The following OTOP1 variants were observed in gnomAD, a reference collection of about 807,000 sequenced individuals.
The protein encoded by OTOP1 is proton channel OTOP1.
A neutral mutation model predicts 52.9 loss-of-function variants in OTOP1; 59 were observed. That is an observed-to-expected ratio of 1.12 (90% CI 0.91 to 1.39). The LOEUF is 1.39. Ranked by LOEUF, OTOP1 falls within the 40% of genes most tolerant of loss-of-function variation. The probability of loss-of-function intolerance (pLI) is 0.00; values close to 1 mark genes in which losing one functional copy is unlikely to be tolerated. For missense variants in OTOP1, 761 were observed against 800.9 expected (o/e 0.95, Z 0.60); for synonymous variants, 317 against 337.7 (o/e 0.94, Z 0.67).
intron 1 of OTOP1, among the ~76,000 whole-genome samples, chr4:4,219,913 G>GTGTATACGTATACATGTATACA (rs1560211376): frequency 7.2e-6 from 1 of 138,744 alleles, no homozygotes; most frequent in Non-Finnish European, 1.5e-5. Context: ...ATATATGTGT[G>GTGTATACGTATACATGTATACA]TATATACGTA....
At chr4:4,205,992 G>A (rs932585710) in intron 3 of OTOP1, 80 bp downstream of exon 3, 12 of 1,229,370 alleles carry the variant, frequency 9.8e-6, no homozygotes, top group Non-Finnish European at 1.3e-5. Context: ...TATAACCAAA[G>A]CAAGATGGCA....
chr4:4,200,966 A>G (rs6850891), intron 4 of OTOP1, among the ~76,000 whole-genome samples: 6,306 of 152,280 alleles, frequency 0.041, 446 homozygotes, highest in African/African-American at 0.14. Flanking sequence ...ACAGAATGTT[A>G]GAGCTGACAG....
In OTOP1 at chr4:4,219,113, G is replaced by T. The variant is rs927394822; in HGVS notation, c.404-6109C>A. On this transcript the variant is annotated intron_variant, in intron 1 of 5. Coordinates refer to ENST00000296358, the MANE Select transcript of OTOP1 (RefSeq NM_177998.3). ...CATCATAAACATCGTAAAGAAAAAT[G>T]GAAACAAAAAAGCCAACTGTATAAA... is the stretch of plus-strand genomic sequence containing the variant. 7.2e-4 allele frequency among the ~76,000 whole-genome samples: 110 copies of T among 151,856 alleles called. 1 individual carries two copies. Among genetic ancestry groups the T allele is most frequent in the African/African-American group, 2.5e-3 (105 of 41,264 alleles).
intron 4 of OTOP1, among the ~76,000 whole-genome samples, chr4:4,201,439 T>A (rs1716783955): frequency 7.1e-6 from 1 of 140,034 alleles, no homozygotes; most frequent in African/African-American, 2.7e-5. Context: ...AAAAAATAAA[T>A]AAAATAGAAT....
intron 4 of OTOP1, 73 bp from the exon 5 acceptor site, chr4:4,198,176 T>C (rs1716696540): frequency 7.6e-7 from 1 of 1,319,610 alleles, no homozygotes; most frequent in Non-Finnish European, 1.1e-6. Flanking sequence ...CACAGAAAAC[T>C]GTTTCCACCG....
At chr4:4,221,703 C>G (rs568301053) in intron 1 of OTOP1, among the ~76,000 whole-genome samples, 2 of 152,326 alleles carry the variant, frequency 1.3e-5, no homozygotes, top group Admixed American at 1.3e-4. Context: ...CTGAGCAGAG[C>G]CTTTCATAGC....
rs147652988 is a variant in OTOP1 at position 4,203,797 on chromosome 4, G to A, written c.600-1219C>T. ...TGGAATTGATCACTCCTAAATTGGAGAGCAGAGGCCCACAGGAAGCATGAT... is the reference window on the plus strand; with the variant it reads ...TGGAATTGATCACTCCTAAATTGGAAAGCAGAGGCCCACAGGAAGCATGAT... On this transcript the variant is annotated intron_variant, in intron 3 of 5. Coordinates refer to ENST00000296358, the MANE Select transcript of OTOP1 (RefSeq NM_177998.3). Among the ~76,000 whole-genome samples the A allele has an allele frequency of 1.6e-3, 250 of 152,326 alleles. 2 individuals are homozygous for A. Among genetic ancestry groups the A allele is most frequent in the African/African-American group, 5.8e-3 (243 of 41,576 alleles).
chr4:4,208,946 A>G (rs1406175138), intron 2 of OTOP1, among the ~76,000 whole-genome samples: 1 of 152,188 alleles, frequency 6.6e-6, no homozygotes, highest in Non-Finnish European at 1.5e-5. Context: ...AATTTACATA[A>G]TCCACTGAGA....
intron 1 of OTOP1, among the ~76,000 whole-genome samples, chr4:4,219,652 G>A (rs1377731488): frequency 2.7e-5 from 4 of 150,142 alleles, no homozygotes; most frequent in Admixed American, 1.3e-4. Context: ...AGCCAAGATC[G>A]TGCCACTGCA....
chr4:4,192,642 C>T (rs796261840), intron 5 of OTOP1, among the ~76,000 whole-genome samples: 6 of 152,180 alleles, frequency 3.9e-5, no homozygotes. Context: ...GTTGCCCCTC[C>T]TCCAGGGTCC....
intron 5 of OTOP1, among the ~76,000 whole-genome samples, chr4:4,195,098 A>G (rs995154142): frequency 1.3e-5 from 2 of 152,050 alleles, no homozygotes; most frequent in African/African-American, 4.8e-5. Flanking sequence ...CTTGCCCTCA[A>G]CATAAAGACT....
At position 4,201,459 on chromosome 4, in the gene OTOP1, A is replaced by AATAT. The variant is rs112973192; in HGVS notation, c.730+985_730+988dup. ...ATAAATAAAATAGAATAAATAAATA[A>AATAT]ATATATATATATACACACACACACA... On this transcript the variant is annotated intron_variant, in intron 4 of 5. Transcript: ENST00000296358. Among the ~76,000 whole-genome samples, 8 of 136,544 alleles carry AATAT rather than the reference A, an allele frequency of 5.9e-5. No homozygotes were observed. The South Asian group carries it at 1.6e-3, about 28-fold the overall frequency. The allele number at this position is 136,544 out of a possible 152,430, so 89.6% of individuals were successfully genotyped here.
Position 4,206,060 on chromosome 4 carries a change from C to T in OTOP1, c.599+12G>A, listed in dbSNP as rs1560207937. The T allele has an allele frequency of 6.3e-7, 1 of 1,593,694 alleles. No homozygotes were observed. Among genetic ancestry groups the T allele is most frequent in the Non-Finnish European group, 8.6e-7 (1 of 1,162,600 alleles). On this transcript the variant is annotated intron_variant, in intron 3 of 5. Coordinates refer to ENST00000296358, the MANE Select transcript of OTOP1 (RefSeq NM_177998.3). ...AAATTCAACATATAAAGCAATTACC[C>T]ACAATTTTTACCTTTCCAGTGTTTT...
At chr4:4,224,885 G>A (rs2920238) in intron 1 of OTOP1, among the ~76,000 whole-genome samples, 122,219 of 152,226 alleles carry the variant, frequency 0.8, 49,679 homozygotes, top group African/African-American at 0.91. Context: ...AGGCATTTGT[G>A]AAGAAGGTGG....
intron 1 of OTOP1, among the ~76,000 whole-genome samples, chr4:4,218,575 G>A (rs1646829542): frequency 6.6e-6 from 1 of 152,134 alleles, no homozygotes; most frequent in African/African-American, 2.4e-5. Flanking sequence ...ACATCTTGGA[G>A]TGGGACACAG....
chr4:4,193,655 T>C (rs574470534), intron 5 of OTOP1, among the ~76,000 whole-genome samples: 1 of 152,250 alleles, frequency 6.6e-6, no homozygotes, highest in East Asian at 1.9e-4. Context: ...ACCCAACCAG[T>C]GCCTGGGGGC....
chr4:4,220,217 C>T (rs1263940140), intron 1 of OTOP1, among the ~76,000 whole-genome samples: 1 of 150,178 alleles, frequency 6.7e-6, no homozygotes, highest in Non-Finnish European at 1.5e-5. Flanking sequence ...ATTCTCCTGC[C>T]TCAGCCTCCC....
intron 5 of OTOP1, among the ~76,000 whole-genome samples, chr4:4,193,870 AC>A (rs1251868815): frequency 6.6e-6 from 1 of 151,918 alleles, no homozygotes; most frequent in African/African-American, 2.4e-5. Flanking sequence ...CCAGGGAAAA[AC>A]AACTTTTCAG....
chr4:4,221,032 ATTATTTTATTCTATT>A (rs1717289320), intron 1 of OTOP1, among the ~76,000 whole-genome samples: 3 of 143,704 alleles, frequency 2.1e-5, no homozygotes, highest in African/African-American at 5.3e-5. Context: ...TTATTTATAT[ATTATTTTATTCTATT>A]TTATTTTATT....
Sources: allele counts gnomAD v4.1 joint callset (sites outside exome capture counted in the v4.1 genomes callset), GRCh38; gene constraint gnomAD v4.1.1; transcripts MANE v1.5; gene names NCBI Gene and HGNC (gene_info 2026-07-23, HGNC 2026-07-21).